PARD3: variants seen among roughly 807,000 people sequenced by gnomAD.
The protein encoded by PARD3 is par-3 family cell polarity regulator, also known as partitioning defective 3 homolog.
In PARD3, 75 loss-of-function variants were observed where a neutral mutation model predicts 155.4. The ratio of observed to expected loss-of-function variants is 0.48; its 90% CI spans 0.40 to 0.58. The LOEUF is 0.58. PARD3 is among the 20% of genes least tolerant of loss of function. PARD3 has a pLI of 0.00. For missense variants in PARD3, 1,642 were observed against 1,721.7 expected, an observed-to-expected ratio of 0.95 and a Z score of 0.82; for synonymous variants, 576 against 610.5, an observed-to-expected ratio of 0.94 and a Z score of 0.83.
intron 2 of PARD3, among the ~76,000 whole-genome samples, chr10:34,541,636 G>C (rs976396848): frequency 9.2e-5 from 14 of 152,178 alleles, no homozygotes; most frequent in African/African-American, 3.1e-4. Context: ...GAGGCCCCTG[G>C]GAAGTGCTGG....
At chr10:34,484,864 C>T (rs2079338793) in intron 3 of PARD3, among the ~76,000 whole-genome samples, 1 of 152,196 alleles carries the variant, frequency 6.6e-6, no homozygotes, top group African/African-American at 2.4e-5. Context: ...AAGCCTCTGA[C>T]CACTCCTCCA....
At chr10:34,216,211 G>A (rs974576290) in intron 22 of PARD3, among the ~76,000 whole-genome samples, 3 of 152,100 alleles carry the variant, frequency 2.0e-5, no homozygotes, top group African/African-American at 4.8e-5. Flanking sequence ...AAATATTTAG[G>A]AAACATGCAC....
chr10:34,205,996 C>T (rs1273203179), intron 22 of PARD3, among the ~76,000 whole-genome samples: 1 of 152,158 alleles, frequency 6.6e-6, no homozygotes, highest in Non-Finnish European at 1.5e-5. Context: ...GGTCTTGCCT[C>T]CTGCCTCACT....
chr10:34,749,670 T>C (rs1407430130), intron 1 of PARD3, among the ~76,000 whole-genome samples: 3 of 152,072 alleles, frequency 2.0e-5, no homozygotes, highest in Non-Finnish European at 4.4e-5. Context: ...TTGCCGGATA[T>C]ATGGACTTCT....
intron 22 of PARD3, among the ~76,000 whole-genome samples, chr10:34,148,978 G>A (rs2799453): frequency 0.55 from 83,596 of 151,950 alleles, 23,817 homozygotes; most frequent in Non-Finnish European, 0.61. Flanking sequence ...TTAAGAAACC[G>A]TTGATCATGA....
intron 14 of PARD3, among the ~76,000 whole-genome samples, chr10:34,355,455 G>A (rs986526891): frequency 6.6e-6 from 1 of 152,190 alleles, no homozygotes; most frequent in Non-Finnish European, 1.5e-5. Flanking sequence ...AGAATGTGGT[G>A]CCTTGTGAAT....
At chr10:34,716,645 T>C (rs924565997) in intron 1 of PARD3, among the ~76,000 whole-genome samples, 5 of 138,226 alleles carry the variant, frequency 3.6e-5, no homozygotes, top group Non-Finnish European at 6.0e-5. Flanking sequence ...TAGGCTAGAG[T>C]GCAATGGTGC....
chr10:34,422,784 C>T (rs540444816), intron 5 of PARD3, among the ~76,000 whole-genome samples: 4 of 152,180 alleles, frequency 2.6e-5, no homozygotes, highest in Non-Finnish European at 5.9e-5. Context: ...TGAACGATAA[C>T]GTACTAAAGA....
chr10:34,313,901 A>C (rs573998986), intron 20 of PARD3, among the ~76,000 whole-genome samples: 1 of 152,340 alleles, frequency 6.6e-6, no homozygotes, highest in African/African-American at 2.4e-5. Flanking sequence ...CTACAAAACT[A>C]GACTCCCACT....
chr10:34,804,624 T>A (rs539451309), intron 1 of PARD3, among the ~76,000 whole-genome samples: 1 of 152,378 alleles, frequency 6.6e-6, no homozygotes, highest in African/African-American at 2.4e-5. Flanking sequence ...AAATGACACA[T>A]GTTAAATGCC....
At chr10:34,378,847 A>G (rs1315816490) in intron 9 of PARD3, among the ~76,000 whole-genome samples, 1 of 152,174 alleles carries the variant, frequency 6.6e-6, no homozygotes, top group Non-Finnish European at 1.5e-5. Flanking sequence ...TACTCTGATG[A>G]TTCACAGAAT....
In PARD3 at chr10:34,814,858, G is replaced by A; in HGVS notation, c.120+18C>T. 1.8e-6 allele frequency: 1 copy of A among 547,760 alleles called. No homozygotes were observed. Among genetic ancestry groups the A allele is most frequent in the Non-Finnish European group, 2.9e-6 (1 of 349,804 alleles). 33.9% of individuals were successfully genotyped at this position (547,760 alleles called of 1,614,324 possible). On this transcript the variant is annotated intron_variant, in intron 1 of 24. Transcript: ENST00000374788. ...CCCCGCCGCCGCCCCCTCCCCGCCC[G>A]CGCCCCCGGCCCCTCACCTTGGCGA...
intron 22 of PARD3, among the ~76,000 whole-genome samples, chr10:34,193,373 C>G (rs982129386): frequency 1.3e-5 from 2 of 152,086 alleles, no homozygotes; most frequent in African/African-American, 4.8e-5. Flanking sequence ...CCCTTGCTTA[C>G]CTATAGTACT....
chr10:34,680,066 ACTAT>A (rs1209813493), intron 2 of PARD3, among the ~76,000 whole-genome samples: 1 of 152,200 alleles, frequency 6.6e-6, no homozygotes, highest in African/African-American at 2.4e-5. Flanking sequence ...CTGCACTTGT[ACTAT>A]CTAAATATAT....
chr10:34,329,726 G>C (rs767611444), intron 19 of PARD3, among the ~76,000 whole-genome samples: 1 of 152,104 alleles, frequency 6.6e-6, no homozygotes, highest in East Asian at 1.9e-4. Context: ...AGGCCCAGTT[G>C]TGAGGAATCT....
chr10:34,624,458 G>A (rs1232029287), intron 2 of PARD3, among the ~76,000 whole-genome samples: 1 of 152,224 alleles, frequency 6.6e-6, no homozygotes. Flanking sequence ...AGAATAAACA[G>A]TCCCTGTTCA....
intron 5 of PARD3, among the ~76,000 whole-genome samples, chr10:34,417,208 G>T (rs2132375539): frequency 6.6e-6 from 1 of 152,216 alleles, no homozygotes; most frequent in Non-Finnish European, 1.5e-5. Flanking sequence ...AACCAGCATT[G>T]TGTCAATTAA....
At chr10:34,225,334 A>C (rs1178180705) in intron 22 of PARD3, among the ~76,000 whole-genome samples, 2 of 150,530 alleles carry the variant, frequency 1.3e-5, no homozygotes, top group African/African-American at 5.0e-5. Context: ...GGCAGACTGG[A>C]CTAGTTTTTT....
chr10:34,496,872 GTACTATTTTTAACGTTTAAAAATAGTA>G (rs1020232937), intron 3 of PARD3, among the ~76,000 whole-genome samples: 1 of 149,952 alleles, frequency 6.7e-6, no homozygotes, highest in Non-Finnish European at 1.5e-5. Flanking sequence ...TTATTAAACA[GTACTATTTTTAACGTTTAAAAATAGTA>G]TACTATTTTT....
Sources: allele counts gnomAD v4.1 joint callset (sites outside exome capture counted in the v4.1 genomes callset), GRCh38; gene constraint gnomAD v4.1.1; transcripts MANE v1.5; gene names NCBI Gene and HGNC (gene_info 2026-07-23, HGNC 2026-07-21).